CEP290: variants seen among roughly 807,000 people sequenced by gnomAD.
The protein encoded by CEP290 is centrosomal protein of 290 kDa.
In CEP290, 317 loss-of-function variants were observed where a neutral mutation model predicts 344.9. That is an observed-to-expected ratio of 0.92 (90% confidence interval 0.84 to 1.01). CEP290 has a LOEUF of 1.01. CEP290 is among the 50% of genes least tolerant of loss of function. CEP290 has a pLI of 0.00. For synonymous variants in CEP290, 932 were observed against 895.8 expected (o/e 1.04, Z -0.72); for missense variants, 2,754 against 2,761.4 (o/e 1.00, Z 0.06).
At chr12:88,060,220 TAAC>T (rs1240696893) in intron 47 of CEP290, among the ~76,000 whole-genome samples, 200 bp from the exon 48 acceptor site, 2 of 152,190 alleles carry the variant, frequency 1.3e-5, no homozygotes, top group Non-Finnish European at 2.9e-5. Flanking sequence ...TGACTTAAAA[TAAC>T]AACAACATAC....
In CEP290 at chr12:88,079,179, A is replaced by G; in HGVS notation, c.5277T>C (p.Ala1759=). ...LELRAEMTAA[A]EERIISATSQ... is the part of the protein sequence containing the mutation. ...AAGTTGCAGAAATAATACGTTCTTC[A>G]GCAGCTGCTGTCATTTCTGCCCGGA... The change falls in exon 39 of 54, where the codon GCT becomes GCC. Residue 1759 remains alanine (A), a synonymous_variant. Transcript: ENST00000552810. The G allele has an allele frequency of 6.2e-7, 1 of 1,602,526 alleles. No individual in the cohort carries two copies. The highest frequency in any genetic ancestry group is 2.3e-5 in the East Asian group (1 of 44,118).
intron 26 of CEP290, among the ~76,000 whole-genome samples, chr12:88,100,108 T>C (rs867515858): frequency 3.3e-5 from 5 of 152,086 alleles, no homozygotes; most frequent in Middle Eastern, 3.4e-3. Flanking sequence ...GGCAAAACCC[T>C]GTCTCTACTA....
chr12:88,068,243 C>T (rs112843340), intron 44 of CEP290, among the ~76,000 whole-genome samples: 2 of 152,048 alleles, frequency 1.3e-5, no homozygotes, highest in African/African-American at 2.4e-5. Flanking sequence ...ACTGCTGCTA[C>T]AGCAAAATAC....
chr12:88,139,735 T>C (rs1198671156), intron 3 of CEP290, among the ~76,000 whole-genome samples, 171 bp from the exon 4 acceptor site: 4 of 152,246 alleles, frequency 2.6e-5, no homozygotes, highest in Admixed American at 1.3e-4. Flanking sequence ...GTTTTTGTTT[T>C]TTTTGCTTTT....
intron 20 of CEP290, among the ~76,000 whole-genome samples, chr12:88,112,658 C>T (rs1376562010): frequency 6.6e-6 from 1 of 151,848 alleles, no homozygotes. Flanking sequence ...AAGGTAGAAG[C>T]CAAATAAGGT....
Position 88,068,632 on chromosome 12 carries a change from G to C in CEP290, c.6025C>G (p.Leu2009Val), listed in dbSNP as rs1428066297. The C allele has an allele frequency of 1.3e-6, 2 of 1,594,814 alleles. No homozygotes were observed. Among genetic ancestry groups the C allele is most frequent in the Non-Finnish European group, 1.7e-6 (2 of 1,173,852 alleles). The change falls in exon 44 of 54, where the codon CTT becomes GTT. Residue 2009 changes from leucine to valine, a missense_variant. Transcript: ENST00000552810. The stretch of plus-strand genomic sequence containing the variant: ...TCTTCTACAACAGAATCTCGAGGAA[G>C]AGCTTGGTGGGCCCTATGAACAACA... ...DILYMRAHQA[L>V]PRDSVVEDLH...
intron 25 of CEP290, chr12:88,103,789 A>G (rs1411336711): frequency 6.6e-6 from 1 of 152,114 alleles, no homozygotes; most frequent in African/African-American, 2.4e-5. Flanking sequence ...GTAACGATGG[A>G]AATATTTGTA....
chr12:88,063,001 C>G (rs2034598818), intron 45 of CEP290, among the ~76,000 whole-genome samples: 1 of 152,014 alleles, frequency 6.6e-6, no homozygotes, highest in South Asian at 2.1e-4. Flanking sequence ...TTGCCTGATG[C>G]AATAATACAA....
At chr12:88,053,349 C>T (rs1235556207) in intron 52 of CEP290, among the ~76,000 whole-genome samples, 2 of 152,082 alleles carry the variant, frequency 1.3e-5, no homozygotes, top group African/African-American at 2.4e-5. Context: ...TACTTAGAAA[C>T]TGGAAGCAAC....
intron 46 of CEP290, 22 bp from the exon 47 acceptor site, chr12:88,061,016 C>A (rs377534636): frequency 6.0e-6 from 9 of 1,501,220 alleles, no homozygotes; most frequent in Middle Eastern, 1.8e-4. Flanking sequence ...TATGTTAAAT[C>A]TTTAATCAAA....
At chr12:88,076,081 G>T (rs1452338623) in intron 41 of CEP290, among the ~76,000 whole-genome samples, 1 of 152,114 alleles carries the variant, frequency 6.6e-6, no homozygotes, top group Admixed American at 6.5e-5. Context: ...CACCAGTTAG[G>T]AACAAACATA....
chr12:88,114,955 G>A (rs536246453), intron 19 of CEP290, 143 bp downstream of exon 19: 6 of 502,642 alleles, frequency 1.2e-5, no homozygotes, highest in South Asian at 9.8e-5. Context: ...ACTGGATAGT[G>A]ACAGACTGAA....
At chr12:88,115,844 T>G in intron 18 of CEP290, 1 of 983,946 alleles carries the variant, frequency 1.0e-6, no homozygotes, top group Non-Finnish European at 1.2e-6. Context: ...ATAATTTTGA[T>G]TGTGCAGTAA....
At chr12:88,049,481 G>T (rs2033266446) in intron 53 of CEP290, 67 bp from the exon 54 acceptor site, 4 of 827,730 alleles carry the variant, frequency 4.8e-6, no homozygotes, top group Non-Finnish European at 7.7e-6. Flanking sequence ...TGAACAAGGA[G>T]ATTTAATTGT....
chr12:88,136,155 CAT>C (rs146107815), intron 6 of CEP290: 55 of 151,238 alleles, frequency 3.6e-4, no homozygotes, highest in Non-Finnish European at 4.7e-4. Context: ...AAAAACTATA[CAT>C]ATATATATAT....
intron 18 of CEP290, 114 bp downstream of exon 18, chr12:88,116,919 A>T (rs1273329037): frequency 3.8e-6 from 2 of 522,290 alleles, no homozygotes; most frequent in Non-Finnish European, 6.7e-6. Context: ...GCTTGCAGTG[A>T]GCCGAGATCG....
chr12:88,130,416 T>A lies in CEP290; in HGVS notation c.521A>T (p.Glu174Val), dbSNP rs774484028. The A allele has an allele frequency of 3.1e-6, 5 of 1,604,468 alleles. No individual in the cohort carries two copies. In the Admixed American group the frequency reaches 6.9e-5, roughly 22 times the overall value. ...RENKRLKKKN[E>V]QLCQDIIDYQ... Reference sequence around the variant, plus strand: ...GTCAATAATATCCTGACAAAGTTGTTCATTCTGAAGGTAACCAAACACAAC... The same window carrying A: ...GTCAATAATATCCTGACAAAGTTGTACATTCTGAAGGTAACCAAACACAAC... The change falls in exon 9 of 54, where the codon GAA (glutamate) becomes GTA (valine). Residue 174 changes from glutamate to valine, a missense_variant. By Grantham distance (121) the Glu-to-Val change is moderately radical (BLOSUM62 -2). Coordinates refer to ENST00000552810, the MANE Select transcript of CEP290 (RefSeq NM_025114.4).
chr12:88,085,875 T>C (rs1168174339), intron 34 of CEP290, among the ~76,000 whole-genome samples, 164 bp downstream of exon 34: 1 of 152,180 alleles, frequency 6.6e-6, no homozygotes, highest in African/African-American at 2.4e-5. Context: ...CTATATCTGC[T>C]GTTCATTATT....
At position 88,053,724 on chromosome 12, in the gene CEP290, T is replaced by C. The variant is rs957163386; in HGVS notation, c.7057A>G (p.Lys2353Glu). The change falls in exon 52 of 54, where the codon AAA becomes GAA. Residue 2353 changes from lysine to glutamate, a missense_variant. Lys to Glu is a moderately conservative substitution (Grantham distance 56, BLOSUM62 1). Transcript: ENST00000552810. ...TGATGGATTAATTCTGCTTTCTCTTTATCCAGCTGATGATTAGCTAATCTA... is the reference window on the plus strand; with the variant it reads ...TGATGGATTAATTCTGCTTTCTCTTCATCCAGCTGATGATTAGCTAATCTA... ...VLRLANHQLD[K>E]EKAELIHQIE... 7.8e-6 allele frequency: 12 copies of C among 1,539,452 alleles called. No individual in the cohort carries two copies. The highest frequency in any genetic ancestry group is 1.4e-5 in the African/African-American group (1 of 73,326).
Sources: allele counts gnomAD v4.1 joint callset (sites outside exome capture counted in the v4.1 genomes callset), GRCh38; gene constraint gnomAD v4.1.1; transcripts MANE v1.5; gene names NCBI Gene and HGNC (gene_info 2026-07-23, HGNC 2026-07-21).